Variants in DNMBP observed in about 807,000 individuals in gnomAD.
DNMBP encodes the protein dynamin binding protein, also known as dynamin-binding protein.
Under a neutral mutation model 150.0 loss-of-function variants are expected in DNMBP, and 87 were observed. The observed-to-expected ratio is 0.58, with a 90% confidence interval of 0.49 to 0.69. The LOEUF (loss-of-function observed/expected upper bound fraction) is 0.69, where lower values mean the gene tolerates loss of function less well. Ranked by LOEUF, DNMBP falls within the 30% of genes least tolerant of loss-of-function variation. The pLI, the probability that DNMBP is intolerant of heterozygous loss-of-function variation, is 0.00. For synonymous variants in DNMBP, 711 were observed against 750.4 expected (o/e 0.95, Z 0.86); for missense variants, 1,774 against 1,949.0 (o/e 0.91, Z 1.69).
At chr10:99,966,952 C>G (rs989162878) in intron 3 of DNMBP, among the ~76,000 whole-genome samples, 1 of 150,658 alleles carries the variant, frequency 6.6e-6, no homozygotes, top group Non-Finnish European at 1.5e-5. Flanking sequence ...CCATGCCTGG[C>G]TAATTTAATT....
intron 4 of DNMBP, among the ~76,000 whole-genome samples, chr10:99,939,061 G>C (rs2040265784): frequency 6.6e-6 from 1 of 152,018 alleles, no homozygotes; most frequent in South Asian, 2.1e-4. Flanking sequence ...GATTTGGAAG[G>C]AGAGAGAAGA....
At chr10:99,972,595 T>C (rs1430547345) in intron 1 of DNMBP, among the ~76,000 whole-genome samples, 2 of 151,292 alleles carry the variant, frequency 1.3e-5, no homozygotes, top group Non-Finnish European at 2.9e-5. Flanking sequence ...ATCAAAGTTA[T>C]TTCTCATTTC....
Position 99,933,830 on chromosome 10 carries a change from A to G in DNMBP, c.2260+21384T>C, listed in dbSNP as rs779998534. ...TGGCTCACTGCAAGCTCCGCCTCCC[A>G]GGTTCACACCATTCTCCTGCCTCAG... is the stretch of plus-strand genomic sequence containing the variant. On this transcript the variant is annotated intron_variant, in intron 4 of 16. Coordinates refer to ENST00000324109, the MANE Select transcript of DNMBP (RefSeq NM_015221.4). 3.6e-4 allele frequency among the ~76,000 whole-genome samples: 55 copies of G among 152,206 alleles called. 1 individual carries two copies. Among genetic ancestry groups the G allele is most frequent in the Non-Finnish European group, 7.6e-4 (52 of 67,990 alleles).
intron 4 of DNMBP, among the ~76,000 whole-genome samples, chr10:99,935,889 T>C (rs1183251835): frequency 2.0e-5 from 3 of 152,060 alleles, no homozygotes; most frequent in African/African-American, 7.2e-5. Context: ...ATCAAGAGCA[T>C]ATAAAAATCA....
At chr10:99,926,373 C>G (rs1314840600) in intron 4 of DNMBP, among the ~76,000 whole-genome samples, 2 of 152,174 alleles carry the variant, frequency 1.3e-5, no homozygotes, top group East Asian at 1.9e-4. Context: ...TAGCCTCGAC[C>G]TGCCAGGCTC....
intron 4 of DNMBP, among the ~76,000 whole-genome samples, chr10:99,911,830 TTG>T (rs2039903942): frequency 6.6e-6 from 1 of 152,244 alleles, no homozygotes; most frequent in African/African-American, 2.4e-5. Flanking sequence ...TCTAAATTCA[TTG>T]TGTTACATAT....
intron 4 of DNMBP, chr10:99,930,712 G>A (rs944296341): frequency 5.8e-6 from 4 of 692,526 alleles, no homozygotes; most frequent in African/African-American, 5.3e-5. Flanking sequence ...GAGTCCCAGT[G>A]CCTTTTCTCC....
intron 6 of DNMBP, among the ~76,000 whole-genome samples, chr10:99,907,128 C>A (rs376043571): frequency 6.6e-6 from 1 of 151,824 alleles, no homozygotes; most frequent in African/African-American, 2.4e-5. Context: ...CTGGGCACAG[C>A]CTGGGCAACA....
intron 1 of DNMBP, among the ~76,000 whole-genome samples, chr10:99,976,464 C>T (rs184672924): frequency 1.3e-5 from 2 of 152,284 alleles, no homozygotes; most frequent in African/African-American, 2.4e-5. Context: ...TCTCTTTCAA[C>T]GTCAGCCTAC....
At chr10:100,002,830 T>C (rs1314418243) in intron 1 of DNMBP, among the ~76,000 whole-genome samples, 2 of 152,148 alleles carry the variant, frequency 1.3e-5, no homozygotes, top group Non-Finnish European at 2.9e-5. Flanking sequence ...TACCTATTTA[T>C]GATGAAAACT....
At chr10:99,935,575 T>A (rs936009482) in intron 4 of DNMBP, among the ~76,000 whole-genome samples, 3 of 152,090 alleles carry the variant, frequency 2.0e-5, no homozygotes, top group Admixed American at 6.6e-5. Flanking sequence ...TTGTTGTTGT[T>A]GTTGTTGAGA....
rs374200819 is a variant in DNMBP, at chr10:99,915,008, C to T, written c.2261-5862G>A. Among the ~76,000 whole-genome samples the T allele has an allele frequency of 2.1e-4, 32 of 149,504 alleles. No homozygotes were observed. The South Asian group carries it at 6.2e-3, about 29-fold the overall frequency. ...ACTTGGGAGGCTGAGGCAGGAAAAT[C>T]GCTTGAACCTGGGAGGTAGAGGCTG... On this transcript the variant is annotated intron_variant, in intron 4 of 16. Coordinates refer to ENST00000324109, the MANE Select transcript of DNMBP (RefSeq NM_015221.4).
At chr10:99,910,784 GA>G (rs375025614) in intron 4 of DNMBP, among the ~76,000 whole-genome samples, 28 of 152,334 alleles carry the variant, frequency 1.8e-4, no homozygotes, top group African/African-American at 6.5e-4. Flanking sequence ...GGCACAATTT[GA>G]GTATAAATGA....
chr10:99,885,665 C>T (rs1345757248), intron 14 of DNMBP, 22 bp downstream of exon 14: 1 of 1,545,668 alleles, frequency 6.5e-7, no homozygotes, highest in Admixed American at 2.0e-5. Context: ...GGCGGGGCTG[C>T]TGCTCTCAGT....
At chr10:99,906,152 T>C (rs1032294315) in intron 6 of DNMBP, among the ~76,000 whole-genome samples, 2 of 152,126 alleles carry the variant, frequency 1.3e-5, no homozygotes, top group Admixed American at 6.5e-5. Context: ...CCTGATTTTT[T>C]TCCTGTGTCC....
At chr10:100,003,853 A>AAAAT (rs1044960618) in intron 1 of DNMBP, among the ~76,000 whole-genome samples, 7 of 151,944 alleles carry the variant, frequency 4.6e-5, no homozygotes, top group African/African-American at 9.7e-5. Flanking sequence ...TGGCACATAA[A>AAAAT]AAATAAATAA....
At chr10:99,958,953 A>G (rs183045530) in intron 3 of DNMBP, among the ~76,000 whole-genome samples, 2 of 152,354 alleles carry the variant, frequency 1.3e-5, no homozygotes, top group East Asian at 3.9e-4. Context: ...AATATTTGCA[A>G]TTATTTGAAA....
In DNMBP at chr10:99,969,130, G is replaced by T; in HGVS notation, c.253C>A (p.Leu85Ile). ...AGCAGCTTACCTCGATGGAGGGGAA[G>T]ATTATCCAACTCTTGGGATGTGAAT... Reference protein sequence around the residue: ...CEFTSQELDNLPLHRGDLVIL... With the variant: ...CEFTSQELDNIPLHRGDLVIL... The change falls in exon 3 of 17, where the codon CTT becomes ATT. Residue 85 changes from leucine (L) to isoleucine (I), a missense_variant. Leu to Ile is a conservative substitution (Grantham distance 5). Transcript: ENST00000324109. The T allele has an allele frequency of 6.2e-7, 1 of 1,614,086 alleles. No homozygotes were observed. The highest frequency in any genetic ancestry group is 8.5e-7 in the Non-Finnish European group (1 of 1,179,990).
intron 4 of DNMBP, chr10:99,930,401 C>T (rs1404176149): frequency 5.7e-6 from 4 of 702,838 alleles, no homozygotes; most frequent in African/African-American, 1.7e-5. Context: ...CTGGGCTTCT[C>T]GTAGGTGAAT....
Sources: gnomAD v4.1 joint callset for allele counts (sites outside exome capture counted in the v4.1 genomes callset) on GRCh38, gnomAD v4.1.1 for gene constraint, MANE v1.5 for transcripts, NCBI Gene and HGNC (gene_info 2026-07-23, HGNC 2026-07-21) for gene names.